CACHD1: variants seen among roughly 807,000 people sequenced by gnomAD.
CACHD1 encodes cache domain containing 1, also known as VWFA and cache domain-containing protein 1.
In CACHD1, 71 loss-of-function variants were observed where a neutral mutation model predicts 138.7. The ratio of observed to expected loss-of-function variants is 0.51; its 90% CI spans 0.42 to 0.62. The LOEUF is 0.62. CACHD1 is among the 20% of genes least tolerant of loss of function. CACHD1 has a pLI of 0.00. For synonymous variants in CACHD1, 578 were observed against 591.5 expected (o/e 0.98, Z 0.33); for missense variants, 1,389 against 1,625.3 (o/e 0.85, Z 2.50).
At chr1:64,665,284 A>G (rs990471094) in intron 15 of CACHD1, among the ~76,000 whole-genome samples, 2 of 151,642 alleles carry the variant, frequency 1.3e-5, no homozygotes, top group African/African-American at 4.8e-5. Context: ...GTGAAACCCC[A>G]TCTCTACAAA....
At chr1:64,617,161 C>A (rs1427790450) in intron 4 of CACHD1, among the ~76,000 whole-genome samples, 5 of 148,518 alleles carry the variant, frequency 3.4e-5, no homozygotes, top group African/African-American at 9.9e-5. Context: ...CAAAACAAAA[C>A]AAAAAAAAAA....
At chr1:64,658,999 G>A in intron 13 of CACHD1, 126 bp downstream of exon 13, 2 of 797,344 alleles carry the variant, frequency 2.5e-6, no homozygotes, top group Non-Finnish European at 3.7e-6. Context: ...CTGGTTTGGG[G>A]ATACAAATAT....
rs1348808784 is a variant in CACHD1 at position 64,647,838 on chromosome 1, G to C, written c.1194G>C (p.Arg398Ser). 1 of 1,614,162 alleles carries C rather than the reference G, an allele frequency of 6.2e-7. No individual in the cohort carries two copies. The highest frequency in any genetic ancestry group is 8.5e-7 in the Non-Finnish European group (1 of 1,180,020). The stretch of plus-strand genomic sequence containing the variant: ...GTTTGAAAGAGCTGGCTTTTCTGAG[G>C]GATCTAGCTGAACAGAATTCAGGGA... ...VTGLKELAFL[R>S]DLAEQNSGKY... The change falls in exon 9 of 27, where the codon AGG (arginine) becomes AGC (serine). Residue 398 changes from arginine (R) to serine (S), a missense_variant. Transcript: ENST00000651257.
At position 64,614,206 on chromosome 1, in the gene CACHD1, C is replaced by T. The variant is rs182453719; in HGVS notation, c.517+11294C>T. Among the ~76,000 whole-genome samples, 11 of 152,328 alleles carry T rather than the reference C, an allele frequency of 7.2e-5. No homozygotes were observed. The East Asian group carries it at 1.9e-3, about 27-fold the overall frequency. On this transcript the variant is annotated intron_variant, in intron 4 of 26. Coordinates refer to ENST00000651257, the MANE Select transcript of CACHD1 (RefSeq NM_020925.4). ...GCTGGGCATCTCCCTGTGCATTGCT[C>T]TTCTTTAGTCTAGACACCAGCTGGG...
chr1:64,602,446 A>G (rs1321780221), intron 3 of CACHD1, among the ~76,000 whole-genome samples: 2 of 148,372 alleles, frequency 1.3e-5, no homozygotes, highest in African/African-American at 5.0e-5. Context: ...TCTGTTTTAC[A>G]TGTAACATCA....
At chr1:64,616,312 G>T (rs543077119) in intron 4 of CACHD1, among the ~76,000 whole-genome samples, 2 of 152,234 alleles carry the variant, frequency 1.3e-5, no homozygotes, top group South Asian at 2.1e-4. Context: ...AGCATGTGGT[G>T]GTTACCGTGC....
At position 64,672,824 on chromosome 1, in the gene CACHD1, A is replaced by C. The variant is rs4072762; in HGVS notation, c.2511-334A>C. ...CCTTTAGGATCTGCTTGCCTGGAAA[A>C]AAAGAACAAACTTCCCATTCATACA... is the stretch of plus-strand genomic sequence containing the variant. On this transcript the variant is annotated intron_variant, in intron 17 of 26. Coordinates refer to ENST00000651257, the MANE Select transcript of CACHD1 (RefSeq NM_020925.4). Among the ~76,000 whole-genome samples, 456 of 152,296 alleles carry C rather than the reference A, an allele frequency of 3.0e-3. 2 individuals are homozygous for C. The highest frequency in any genetic ancestry group is 6.8e-3 in the Middle Eastern group (2 of 294).
chr1:64,666,118 G>A lies in CACHD1; in HGVS notation c.2338G>A (p.Gly780Arg), dbSNP rs1344189486. 6.2e-7 allele frequency: 1 copy of A among 1,613,342 alleles called. No homozygotes were observed. Among genetic ancestry groups the A allele is most frequent in the Non-Finnish European group, 8.5e-7 (1 of 1,179,372 alleles). ...TTTGACTGGTCCTTACTTAGATGTT[G>A]GAGGAGCTGGTTATGTTGTGACAAT... ...ISLTGPYLDV[G>R]GAGYVVTISH... Residue 780 changes from glycine (G) to arginine (R), a missense_variant, in exon 16 of 27, where the codon GGA becomes AGA. Gly to Arg is a moderately radical substitution (Grantham distance 125, BLOSUM62 -2). This residue lies in a region of CACHD1 where 1,000 missense variants were observed against 1,114.7 expected (regional missense o/e 0.90). Transcript: ENST00000651257.
At chr1:64,484,680 A>C (rs1249501547) in intron 1 of CACHD1, among the ~76,000 whole-genome samples, 1 of 152,328 alleles carries the variant, frequency 6.6e-6, no homozygotes, top group African/African-American at 2.4e-5. Context: ...TCTACTTTCT[A>C]TCTCTCTGAA....
At chr1:64,629,735 A>G (rs928418574) in intron 5 of CACHD1, among the ~76,000 whole-genome samples, 2 of 152,146 alleles carry the variant, frequency 1.3e-5, no homozygotes, top group Non-Finnish European at 1.5e-5. Flanking sequence ...GTGAAGTCAA[A>G]TTGTGTGAAG....
At chr1:64,690,754 G>A (rs2100755531) in intron 26 of CACHD1, among the ~76,000 whole-genome samples, 1 of 152,298 alleles carries the variant, frequency 6.6e-6, no homozygotes. Flanking sequence ...TGACACAAGT[G>A]CCTGCTACCA....
chr1:64,517,198 C>T (rs1646465331), intron 1 of CACHD1, among the ~76,000 whole-genome samples: 1 of 152,252 alleles, frequency 6.6e-6, no homozygotes, highest in East Asian at 1.9e-4. Context: ...AGCCAAAAGG[C>T]CAAGAAGTGA....
intron 4 of CACHD1, among the ~76,000 whole-genome samples, chr1:64,624,469 G>A (rs1648030175): frequency 6.6e-6 from 1 of 152,162 alleles, no homozygotes; most frequent in Non-Finnish European, 1.5e-5. Context: ...TTTATTAAGG[G>A]GTTGGCAGGG....
At chr1:64,597,521 GTTGT>G (rs1647164103) in intron 3 of CACHD1, among the ~76,000 whole-genome samples, 6 of 63,846 alleles carry the variant, frequency 9.4e-5, no homozygotes, top group African/African-American at 3.3e-4. Flanking sequence ...TTTTTTTTTT[GTTGT>G]TTTTTTTTTT....
intron 1 of CACHD1, among the ~76,000 whole-genome samples, chr1:64,492,418 C>T (rs1646282396): frequency 1.4e-5 from 1 of 71,028 alleles, no homozygotes; most frequent in African/African-American, 3.2e-5. Context: ...TGACCAGCAG[C>T]TCTGGCCTCC....
chr1:64,546,428 G>T (rs544282835), intron 1 of CACHD1, among the ~76,000 whole-genome samples: 1 of 151,646 alleles, frequency 6.6e-6, no homozygotes, highest in Non-Finnish European at 1.5e-5. Flanking sequence ...TCTGCCTCCT[G>T]GGCTCAAGTG....
chr1:64,534,044 A>ATT lies in CACHD1; in HGVS notation c.199-16534_199-16533dup, dbSNP rs1190973908. Among the ~76,000 whole-genome samples, 336 of 110,554 alleles carry ATT rather than the reference A, an allele frequency of 3.0e-3. 3 individuals carry two copies. The highest frequency in any genetic ancestry group is 9.8e-3 in the African/African-American group (286 of 29,192). The allele number at this position is 110,554 out of a possible 152,430, so 72.5% of individuals were successfully genotyped here. ...CTGAGATTACAGTCGTGAGCCCAGC[A>ATT]TTTTTTTTTTTTTTTTTGAGACAGA... is the stretch of plus-strand genomic sequence containing the variant. On this transcript the variant is annotated intron_variant, in intron 1 of 26. Coordinates refer to ENST00000651257, the MANE Select transcript of CACHD1 (RefSeq NM_020925.4).
intron 26 of CACHD1, among the ~76,000 whole-genome samples, chr1:64,683,619 A>G (rs779468686): frequency 4.6e-5 from 7 of 152,212 alleles, no homozygotes; most frequent in Non-Finnish European, 7.3e-5. Context: ...GTGCAGTGTC[A>G]GTATCTGAAC....
chr1:64,483,681 CAA>C (rs10537125), intron 1 of CACHD1, among the ~76,000 whole-genome samples: 5,949 of 57,992 alleles, frequency 0.1, 435 homozygotes, highest in African/African-American at 0.27. Context: ...CTGTCTCTAC[CAA>C]AAAAAAAAAA....
Sources: gnomAD v4.1 joint callset for allele counts (sites outside exome capture counted in the v4.1 genomes callset) on GRCh38, gnomAD v4.1.1 for gene constraint, gnomAD v4.1.1 regional missense constraint, MANE v1.5 for transcripts, NCBI Gene and HGNC (gene_info 2026-07-23, HGNC 2026-07-21) for gene names.